PCNX1: variants seen among roughly 807,000 people sequenced by gnomAD.
PCNX1 encodes pecanex-like protein 1.
Under a neutral mutation model 242.2 loss-of-function variants are expected in PCNX1, and 78 were observed. The ratio of observed to expected loss-of-function variants is 0.32; its 90% CI spans 0.27 to 0.39. PCNX1 has a LOEUF of 0.39. PCNX1 is among the 10% of genes least tolerant of loss of function. The pLI is 1.00. For missense variants in PCNX1, 2,581 were observed against 2,856.5 expected, an observed-to-expected ratio of 0.90 and a Z score of 2.20; for synonymous variants, 1,024 against 1,032.9, an observed-to-expected ratio of 0.99 and a Z score of 0.17.
chr14:70,937,928 C>T (rs1360427696), intron 1 of PCNX1, among the ~76,000 whole-genome samples: 1 of 151,748 alleles, frequency 6.6e-6, no homozygotes, highest in Non-Finnish European at 1.5e-5. Flanking sequence ...TGATTTGGCT[C>T]TCTGTCTGTT....
intron 30 of PCNX1, among the ~76,000 whole-genome samples, chr14:71,094,261 C>CAGT (rs1297718183): frequency 6.6e-6 from 1 of 152,138 alleles, no homozygotes; most frequent in Non-Finnish European, 1.5e-5. Context: ...TGATAACAAA[C>CAGT]AGTAGATCAG....
At chr14:71,069,331 G>A (rs1225492227) in intron 26 of PCNX1, among the ~76,000 whole-genome samples, 1 of 152,064 alleles carries the variant, frequency 6.6e-6, no homozygotes, top group Non-Finnish European at 1.5e-5. Context: ...CATTTTTAAA[G>A]TCAATTTAAA....
intron 24 of PCNX1, chr14:71,053,380 C>T (rs777646099): frequency 1.4e-5 from 6 of 424,570 alleles, no homozygotes; most frequent in South Asian, 1.0e-4. Flanking sequence ...TGCAATGGCG[C>T]CATCTTGATT....
At chr14:70,948,911 GTA>G (rs948891571) in intron 2 of PCNX1, among the ~76,000 whole-genome samples, 3 of 144,942 alleles carry the variant, frequency 2.1e-5, no homozygotes, top group Non-Finnish European at 4.5e-5. Flanking sequence ...GTGTATATAC[GTA>G]TATATGTGTA....
chr14:71,046,023 T>A (rs2060850903), intron 20 of PCNX1, among the ~76,000 whole-genome samples: 1 of 152,154 alleles, frequency 6.6e-6, no homozygotes, highest in South Asian at 2.1e-4. Context: ...AATGATTAAA[T>A]AAGCCAACTT....
rs530317195 is a variant in PCNX1, at chr14:71,003,819, A to T, written c.2630-5815A>T. On this transcript the variant is annotated intron_variant, in intron 8 of 35. Transcript: ENST00000304743. ...ATAGAGATATCTGTCTTTCCTTACC[A>T]GTCCCCAAAGCTGTCTTCTAAACCA... Among the ~76,000 whole-genome samples the T allele has an allele frequency of 3.9e-5, 6 of 152,226 alleles. No homozygotes were observed. The East Asian group carries it at 1.2e-3, about 29-fold the overall frequency.
At chr14:70,967,580 C>G (rs2139991694) in intron 3 of PCNX1, among the ~76,000 whole-genome samples, 1 of 152,236 alleles carries the variant, frequency 6.6e-6, no homozygotes, top group East Asian at 1.9e-4. Context: ...GCTCAACAAT[C>G]AGGTTTTAAT....
chr14:71,075,120 G>C (rs965944843), intron 27 of PCNX1, among the ~76,000 whole-genome samples: 34 of 150,034 alleles, frequency 2.3e-4, no homozygotes, highest in Non-Finnish European at 2.2e-4. Context: ...TTAACCTCCT[G>C]AGTAACTGGG....
chr14:71,034,020 A>C lies in PCNX1; in HGVS notation c.3758A>C (p.Lys1253Thr). ...LSEVKDPLPE[K>T]LRNSVSERLQ... ...GAAGTAAAAGATCCACTGCCTGAAA[A>C]ACTTAGAAATTCTGTTGTAAGTTTT... Residue 1253 changes from lysine to threonine, a missense_variant, in exon 18 of 36, where the codon AAA becomes ACA. Physicochemically the swap from Lys to Thr is moderately conservative, Grantham distance 78. Around this residue, in one of 9 missense-constraint regions of PCNX1, gnomAD observed 432 missense variants for 443.1 expected, o/e 0.97. Transcript: ENST00000304743. The C allele has an allele frequency of 6.3e-7, 1 of 1,587,046 alleles. No individual in the cohort carries two copies. Among genetic ancestry groups the C allele is most frequent in the Non-Finnish European group, 8.6e-7 (1 of 1,159,336 alleles).
In PCNX1 at chr14:70,977,810, T is replaced by C. The variant is rs1241783545; in HGVS notation, c.1473T>C (p.Asn491=). 3 of 1,613,604 alleles carry C rather than the reference T, an allele frequency of 1.9e-6. No individual in the cohort carries two copies. The change falls in exon 6 of 36, where the codon AAT becomes AAC. Residue 491 remains asparagine, a synonymous_variant. Transcript: ENST00000304743. The part of the protein sequence containing the change: ...GLSTSASEEA[N]KNPHANEFTS... ...GCACCTCTGCATCTGAAGAAGCCAATAAAAATCCCCATGCAAATGAATTTA... is the reference window on the plus strand; with the variant it reads ...GCACCTCTGCATCTGAAGAAGCCAACAAAAATCCCCATGCAAATGAATTTA...
chr14:70,967,988 A>G (rs1031152153), intron 3 of PCNX1, among the ~76,000 whole-genome samples: 15 of 152,206 alleles, frequency 9.9e-5, no homozygotes, highest in African/African-American at 3.6e-4. Context: ...GTAGCTCCAC[A>G]TATCAGTAAG....
At chr14:70,987,013 A>G (rs891809396) in intron 6 of PCNX1, among the ~76,000 whole-genome samples, 1 of 152,032 alleles carries the variant, frequency 6.6e-6, no homozygotes, top group African/African-American at 2.4e-5. Context: ...TGTTCATCTG[A>G]TTTTTCATTT....
At chr14:71,094,098 A>T (rs1005004964) in intron 30 of PCNX1, among the ~76,000 whole-genome samples, 1 of 152,136 alleles carries the variant, frequency 6.6e-6, no homozygotes, top group South Asian at 2.1e-4. Context: ...GGTCAACTCT[A>T]TATGTCTACA....
intron 1 of PCNX1, among the ~76,000 whole-genome samples, chr14:70,928,283 G>A (rs1328285379): frequency 6.6e-6 from 1 of 152,144 alleles, no homozygotes; most frequent in African/African-American, 2.4e-5. Flanking sequence ...CAATAACCTA[G>A]CTGCTATTCT....
Position 71,048,612 on chromosome 14 carries a change from T to A in PCNX1, c.4338+628T>A, listed in dbSNP as rs574523140. On this transcript the variant is annotated intron_variant, in intron 22 of 35. Coordinates refer to ENST00000304743, the MANE Select transcript of PCNX1 (RefSeq NM_014982.3). ...GTGAAATAGTAATTCAATTTCATGTTAACACTGACCACATACAAAGGACTT... is the reference window on the plus strand; with the variant it reads ...GTGAAATAGTAATTCAATTTCATGTAAACACTGACCACATACAAAGGACTT... Among the ~76,000 whole-genome samples the A allele has an allele frequency of 3.9e-5, 6 of 152,320 alleles. No individual in the cohort carries two copies. The East Asian group carries it at 1.2e-3, about 29-fold the overall frequency.
At chr14:71,001,684 A>G (rs180755873) in intron 8 of PCNX1, among the ~76,000 whole-genome samples, 2 of 152,364 alleles carry the variant, frequency 1.3e-5, no homozygotes, top group Non-Finnish European at 2.9e-5. Flanking sequence ...TTAAGATTCT[A>G]AATTAAAGCT....
At chr14:70,955,029 A>G (rs1052509914) in intron 2 of PCNX1, among the ~76,000 whole-genome samples, 2 of 152,232 alleles carry the variant, frequency 1.3e-5, no homozygotes, top group South Asian at 2.1e-4. Context: ...TGTTGTGTGA[A>G]TGAATAAATA....
chr14:71,020,574 C>G (rs2060073962), intron 12 of PCNX1, among the ~76,000 whole-genome samples: 1 of 152,094 alleles, frequency 6.6e-6, no homozygotes, highest in East Asian at 1.9e-4. Flanking sequence ...ACATAAATGT[C>G]TTTTGAGAAG....
intron 1 of PCNX1, among the ~76,000 whole-genome samples, chr14:70,937,458 A>G (rs1380012688): frequency 1.3e-5 from 2 of 151,976 alleles, no homozygotes; most frequent in African/African-American, 4.8e-5. Flanking sequence ...GTGCGGTATT[A>G]TTTCTGAGGG....
Sources: allele counts gnomAD v4.1 joint callset (sites outside exome capture counted in the v4.1 genomes callset), GRCh38; gene constraint gnomAD v4.1.1; regional missense constraint gnomAD v4.1.1; transcripts MANE v1.5; gene names NCBI Gene and HGNC (gene_info 2026-07-23, HGNC 2026-07-21).